PRDM11: variants seen among roughly 807,000 people sequenced by gnomAD.
PRDM11 encodes the protein PR domain-containing protein 11.
In PRDM11, 20 loss-of-function variants were observed where a neutral mutation model predicts 97.8. That is an observed-to-expected ratio of 0.20 (90% CI 0.14 to 0.30). The LOEUF is 0.30. PRDM11 is among the 10% of genes least tolerant of loss of function. The pLI, the probability that PRDM11 is intolerant of heterozygous loss-of-function variation, is 1.00. For synonymous variants in PRDM11, 599 were observed against 637.7 expected (o/e 0.94, Z 0.91); for missense variants, 1,139 against 1,555.2 (o/e 0.73, Z 4.50).
chr11:45,207,348 C>T (rs971720073), intron 5 of PRDM11, among the ~76,000 whole-genome samples: 6 of 152,182 alleles, frequency 3.9e-5, no homozygotes, highest in Non-Finnish European at 8.8e-5. Flanking sequence ...TGGGCACTGT[C>T]GTGTTGAGCT....
intron 1 of PRDM11, among the ~76,000 whole-genome samples, chr11:45,121,042 G>A (rs1051166458): frequency 6.6e-6 from 1 of 152,028 alleles, no homozygotes; most frequent in Non-Finnish European, 1.5e-5. Flanking sequence ...ATATAACCAC[G>A]AAGCTAACAG....
rs371239644 is a variant in PRDM11 at position 45,228,265 on chromosome 11, T to TTATA, written c.*123_*126dup. 0.13 allele frequency: 15,860 copies of TTATA among 117,870 alleles called. 868 individuals carry two copies. Among genetic ancestry groups the TTATA allele is most frequent in the Admixed American group, 0.35 (3,315 of 9,608 alleles). The allele number at this position is 117,870 out of a possible 1,614,324, so 7.3% of individuals were successfully genotyped here. ...ATATATTATATTATATTATATTATATTATATATATATATATATATAAACTC... is the reference window on the plus strand; with the variant it reads ...ATATATTATATTATATTATATTATATTATATATATATATATATATATATAAACTC... On this transcript the variant is annotated 3_prime_UTR_variant, in exon 8 of 8. Transcript: ENST00000683152.
intron 5 of PRDM11, among the ~76,000 whole-genome samples, chr11:45,216,523 G>A (rs1393777676): frequency 6.6e-6 from 1 of 152,182 alleles, no homozygotes; most frequent in Non-Finnish European, 1.5e-5. Flanking sequence ...CTTAAAAGCA[G>A]GAGATCTAAT....
At chr11:45,130,790 A>G (rs999023765) in intron 1 of PRDM11, among the ~76,000 whole-genome samples, 3 of 152,218 alleles carry the variant, frequency 2.0e-5, no homozygotes, top group Non-Finnish European at 4.4e-5. Context: ...TTCATCCGTC[A>G]ATAACTTTTT....
rs145533898 is a variant in PRDM11 at position 45,121,190 on chromosome 11, A to G, written c.96+25289A>G. On this transcript the variant is annotated intron_variant, in intron 1 of 6. Transcript: ENST00000530656. ...AACTATATCAGCAATTACATTAATT[A>G]TAAATGGATAAATAGTATAATATGA... Among the ~76,000 whole-genome samples the G allele has an allele frequency of 3.3e-5, 5 of 151,246 alleles. No individual in the cohort carries two copies. In the East Asian group the frequency reaches 9.6e-4, roughly 29 times the overall value.
chr11:45,150,316 C>T (rs751786454), intron 1 of PRDM11, among the ~76,000 whole-genome samples: 12 of 152,226 alleles, frequency 7.9e-5, no homozygotes, highest in Non-Finnish European at 1.8e-4. Flanking sequence ...GGAGCACTCA[C>T]ATCCATAGCA....
intron 1 of PRDM11, among the ~76,000 whole-genome samples, chr11:45,109,697 A>G (rs1351599985): frequency 6.6e-6 from 1 of 152,136 alleles, no homozygotes; most frequent in African/African-American, 2.4e-5. Context: ...TTTCCAGGGA[A>G]AGCAGGGCCT....
Position 45,219,776 on chromosome 11 carries a change from A to C in PRDM11, c.742+19A>C. 6.2e-7 allele frequency: 1 copy of C among 1,606,778 alleles called. No individual in the cohort carries two copies. The highest frequency in any genetic ancestry group is 8.5e-7 in the Non-Finnish European group (1 of 1,175,928). ...GCCAGAGGTGAGTGCCATGCTCCAC[A>C]TGAGCTGCGCCCACCTCTGAGCCCC... On this transcript the variant is annotated intron_variant, in intron 6 of 7. Transcript: ENST00000683152. The surrounding 1 kb of genome is among the most constrained non-coding windows in gnomAD (Gnocchi z 4.2).
intron 1 of PRDM11, among the ~76,000 whole-genome samples, chr11:45,110,274 G>A (rs960769145): frequency 3.3e-5 from 5 of 152,024 alleles, no homozygotes; most frequent in South Asian, 4.1e-4. Flanking sequence ...GCTAAGCTTC[G>A]GAGCCAGAAA....
At chr11:45,154,617 C>T (rs1267850645) in intron 1 of PRDM11, among the ~76,000 whole-genome samples, 3 of 152,014 alleles carry the variant, frequency 2.0e-5, no homozygotes, top group Non-Finnish European at 4.4e-5. Context: ...AGTGAGGCAC[C>T]CCAGGCCTCT....
chr11:45,161,225 C>CAGTAATGTT (rs1851920158), intron 1 of PRDM11, among the ~76,000 whole-genome samples: 1 of 152,182 alleles, frequency 6.6e-6, no homozygotes, highest in Admixed American at 6.5e-5. Flanking sequence ...AGTAAATGCC[C>CAGTAATGTT]AGTAATGTTA....
intron 1 of PRDM11, among the ~76,000 whole-genome samples, chr11:45,103,850 GA>G (rs1166642002): frequency 3.3e-5 from 5 of 151,472 alleles, no homozygotes; most frequent in Admixed American, 2.0e-4. Flanking sequence ...CTTTAACGGT[GA>G]AAACCAAGAG....
At chr11:45,182,626 T>C (rs1211055777) in intron 3 of PRDM11, among the ~76,000 whole-genome samples, 2 of 152,326 alleles carry the variant, frequency 1.3e-5, no homozygotes, top group Admixed American at 1.3e-4. Flanking sequence ...TCCAAAGCCA[T>C]GCTCTTTCTT....
At chr11:45,214,519 T>G (rs1194976070) in intron 5 of PRDM11, 1 of 152,058 alleles carries the variant, frequency 6.6e-6, no homozygotes, top group East Asian at 1.9e-4. Context: ...GTAGGGAGAA[T>G]GGAAGGTGAC....
chr11:45,219,483 C>T lies in PRDM11; in HGVS notation c.555-87C>T. 1 of 1,327,638 alleles carries T rather than the reference C, an allele frequency of 7.5e-7. No homozygotes were observed. The highest frequency in any genetic ancestry group is 1.0e-6 in the Non-Finnish European group (1 of 966,304). 82.2% of individuals were successfully genotyped at this position (1,327,638 alleles called of 1,614,324 possible). On this transcript the variant is annotated intron_variant, in intron 5 of 7. Transcript: ENST00000683152. The surrounding 1 kb of genome is among the most constrained non-coding windows in gnomAD (Gnocchi z 4.2). ...CACGTGCCTGTGGACTTCTAACCAT[C>T]CACACTTGCCCAGCACTGTGCCGGC...
Position 45,225,218 on chromosome 11 carries a change from T to A in PRDM11, c.1369+375T>A, listed in dbSNP as rs1246438935. 4 of 980,680 alleles carry A rather than the reference T, an allele frequency of 4.1e-6. No individual in the cohort carries two copies. The African/African-American group carries it at 6.7e-5, about 16-fold the overall frequency. 60.7% of individuals were successfully genotyped at this position (980,680 alleles called of 1,614,324 possible). A position where few individuals can be genotyped will look rare whatever the true frequency, so the allele number is the denominator to read the frequency against. ...AGCAGGGTGTCCCACTGGAGAGATC[T>A]CTTGGCTTCCCTAACTTAGTCCAGG... On this transcript the variant is annotated intron_variant, in intron 7 of 7. Transcript: ENST00000683152.
intron 6 of PRDM11, among the ~76,000 whole-genome samples, chr11:45,222,713 TACCAG>T (rs1854153429): frequency 6.6e-6 from 1 of 152,216 alleles, no homozygotes; most frequent in Non-Finnish European, 1.5e-5. Context: ...ACAGCACCCA[TACCAG>T]CTATGGGAAA....
chr11:45,206,129 C>A (rs1853501166), intron 5 of PRDM11, among the ~76,000 whole-genome samples: 1 of 152,212 alleles, frequency 6.6e-6, no homozygotes, highest in South Asian at 2.1e-4. Flanking sequence ...CACCTGTGTA[C>A]TGAGCACCTA....
At chr11:45,164,329 G>A (rs755772254) in intron 1 of PRDM11, among the ~76,000 whole-genome samples, 14 of 152,242 alleles carry the variant, frequency 9.2e-5, no homozygotes, top group East Asian at 1.9e-4. Flanking sequence ...GCCAGGCTGC[G>A]CTCTGCCAGC....
Sources: allele counts gnomAD v4.1 joint callset (sites outside exome capture counted in the v4.1 genomes callset), GRCh38; gene constraint gnomAD v4.1.1; non-coding constraint Gnocchi (gnomAD v3.1); transcripts MANE v1.5; gene names NCBI Gene and HGNC (gene_info 2026-07-23, HGNC 2026-07-21).